PHKA2: variants seen among roughly 807,000 people sequenced by gnomAD.
The protein encoded by PHKA2 is phosphorylase b kinase regulatory subunit alpha, liver isoform.
Under a neutral mutation model 102.0 loss-of-function variants are expected in PHKA2, and 31 were observed. That is an observed-to-expected ratio of 0.30 (90% CI 0.23 to 0.41). The LOEUF (loss-of-function observed/expected upper bound fraction) is 0.41, where lower values mean the gene tolerates loss of function less well. PHKA2 is among the 10% of genes least tolerant of loss of function. The pLI is 1.00. For synonymous variants in PHKA2, 455 were observed against 416.2 expected (o/e 1.09, Z -1.13); for missense variants, 858 against 1,023.1 (o/e 0.84, Z 2.20).
intron 26 of PHKA2, among the ~76,000 whole-genome samples, chrX:18,904,939 T>G (rs1036772598): frequency 8.9e-6 from 1 of 111,766 alleles, no homozygotes; most frequent in Non-Finnish European, 1.9e-5. Context: ...TGGGTGATTA[T>G]GTTTCCCAGC....
chrX:18,907,154 CGACA>C, intron 22 of PHKA2, 57 bp from the exon 23 acceptor site: 1 of 866,725 alleles, frequency 1.2e-6, no homozygotes, highest in Admixed American at 2.6e-5. Flanking sequence ...CTGGCAAAGA[CGACA>C]GACAGGCAGT....
At chrX:18,912,441 TTG>T (rs1460713183) in intron 19 of PHKA2, among the ~76,000 whole-genome samples, 14 of 111,082 alleles carry the variant, frequency 1.3e-4, no homozygotes. Flanking sequence ...ACAATAGTAT[TTG>T]TGTGTCTAAA....
chrX:18,897,604 C>T (rs916856968), intron 29 of PHKA2: 16 of 379,215 alleles, frequency 4.2e-5, no homozygotes, highest in Middle Eastern at 7.3e-4. Flanking sequence ...AGGAGGAGGC[C>T]GAACAGGGCG....
intron 28 of PHKA2, 125 bp downstream of exon 28, chrX:18,900,545 C>G (rs370064750): frequency 1.6e-5 from 10 of 622,334 alleles, no homozygotes; most frequent in East Asian, 1.0e-4. Flanking sequence ...TGCCTGTGCC[C>G]CAGCCCGTTT....
intron 4 of PHKA2, among the ~76,000 whole-genome samples, chrX:18,949,215 G>A (rs1839040776): frequency 9.0e-6 from 1 of 111,628 alleles, no homozygotes; most frequent in South Asian, 3.8e-4. Context: ...AGAGAAGGGT[G>A]AATACTTTTC....
Position 18,894,396 on chromosome X carries a change from C to T in PHKA2, c.3345G>A (p.Pro1115=), listed in dbSNP as rs201620564. Residue 1115 remains proline (P), a synonymous_variant, in exon 32 of 33, where the codon CCG becomes CCA. Transcript: ENST00000379942. The part of the protein sequence containing the change: ...LPSSTTREMT[P]HEIKFAVHVE... The stretch of plus-strand genomic sequence containing the variant: ...CATGGACAGCAAACTTGATCTCATG[C>T]GGGGTCATCTACCAAAGGGACAGGC... 37 of 1,208,036 alleles carry T rather than the reference C, an allele frequency of 3.1e-5. No individual in the cohort carries two copies. The highest frequency in any genetic ancestry group is 1.5e-4 in the Admixed American group (7 of 45,940).
intron 1 of PHKA2, among the ~76,000 whole-genome samples, chrX:18,972,884 G>T (rs2049035046): frequency 8.9e-6 from 1 of 111,806 alleles, no homozygotes; most frequent in Non-Finnish European, 1.9e-5. Flanking sequence ...GGTGATAGTG[G>T]GGATCCTTCA....
chrX:18,972,535 CTCA>C (rs1325173719), intron 1 of PHKA2, among the ~76,000 whole-genome samples: 7 of 112,193 alleles, frequency 6.2e-5, no homozygotes, highest in Non-Finnish European at 1.3e-4. Context: ...TGTGTCTCTC[CTCA>C]TATTTGTCTT....
At chrX:18,973,560 TGTAA>T (rs775404568) in intron 1 of PHKA2, among the ~76,000 whole-genome samples, 67 of 112,376 alleles carry the variant, frequency 6.0e-4, no homozygotes, top group African/African-American at 2.1e-3. Context: ...GACTTTCCTC[TGTAA>T]GTTTTATGTT....
chrX:18,959,876 C>A (rs1213215053), intron 1 of PHKA2, among the ~76,000 whole-genome samples: 1 of 111,297 alleles, frequency 9.0e-6, no homozygotes, highest in African/African-American at 3.3e-5. Context: ...CAGTTAGCAT[C>A]CCTGCCTCAG....
At chrX:18,966,420 A>T (rs745698764) in intron 1 of PHKA2, among the ~76,000 whole-genome samples, 19 of 111,401 alleles carry the variant, frequency 1.7e-4, no homozygotes, top group Non-Finnish European at 3.4e-4. Flanking sequence ...GTAAAAGGCA[A>T]CTAAGTGATC....
chrX:18,932,068 C>T (rs1379424604), intron 11 of PHKA2, among the ~76,000 whole-genome samples: 2 of 112,527 alleles, frequency 1.8e-5, no homozygotes, highest in Admixed American at 9.4e-5. Context: ...CTCATGCTTA[C>T]AATTGGCTGC....
At chrX:18,948,706 C>A in intron 5 of PHKA2, 38 bp downstream of exon 5, 4 of 907,561 alleles carry the variant, frequency 4.4e-6, no homozygotes, top group Non-Finnish European at 6.4e-6. Context: ...TTTTTGTTGA[C>A]TGGAACATCT....
chrX:18,894,627 A>T, intron 31 of PHKA2: 1 of 448,060 alleles, frequency 2.2e-6, no homozygotes, highest in South Asian at 3.2e-5. Flanking sequence ...TGATTTATCT[A>T]CCCTTCCCCC....
At chrX:18,957,436 G>A (rs2048796000) in intron 1 of PHKA2, among the ~76,000 whole-genome samples, 1 of 111,435 alleles carries the variant, frequency 9.0e-6, no homozygotes, top group African/African-American at 3.3e-5. Flanking sequence ...ATAAACACAG[G>A]CAAATGCAGA....
intron 1 of PHKA2, among the ~76,000 whole-genome samples, chrX:18,982,453 T>C: frequency 8.9e-6 from 1 of 112,426 alleles, no homozygotes; most frequent in Admixed American, 9.4e-5. Context: ...TATTATGGTA[T>C]ATATAGTACG....
intron 11 of PHKA2, among the ~76,000 whole-genome samples, chrX:18,934,003 A>G (rs1237746777): frequency 1.8e-5 from 2 of 112,102 alleles, no homozygotes; most frequent in South Asian, 7.4e-4. Context: ...GCTCTTCTCT[A>G]CCATAGAATA....
chrX:18,966,987 G>A (rs1192872971), intron 1 of PHKA2, among the ~76,000 whole-genome samples: 1 of 111,412 alleles, frequency 9.0e-6, no homozygotes, highest in Non-Finnish European at 1.9e-5. Flanking sequence ...GGCAGCAGGT[G>A]GGCTTGAGGA....
intron 28 of PHKA2, 135 bp from the exon 29 acceptor site, chrX:18,899,361 C>A (rs1171574543): frequency 1.8e-6 from 1 of 552,579 alleles, no homozygotes; most frequent in Non-Finnish European, 3.1e-6. Flanking sequence ...GAAGGTGCCA[C>A]AGCAACGCAC....
Sources: allele counts gnomAD v4.1 joint callset (sites outside exome capture counted in the v4.1 genomes callset), GRCh38; gene constraint gnomAD v4.1.1; transcripts MANE v1.5; gene names NCBI Gene and HGNC (gene_info 2026-07-23, HGNC 2026-07-21).